Variants in KCNC2 observed in about 807,000 individuals in gnomAD.
KCNC2 encodes potassium voltage-gated channel subfamily C member 2.
In KCNC2, 21 loss-of-function variants were observed where a neutral mutation model predicts 44.5. The observed-to-expected ratio is 0.47, with a 90% CI of 0.33 to 0.68. The LOEUF (loss-of-function observed/expected upper bound fraction) is 0.68, where lower values mean the gene tolerates loss of function less well. Among genes scored for constraint, KCNC2 ranks in the 30% least tolerant of loss-of-function variants. The probability of loss-of-function intolerance (pLI) is 0.01; values close to 1 mark genes in which losing one functional copy is unlikely to be tolerated. For synonymous variants in KCNC2, 391 were observed against 339.1 expected (o/e 1.15, Z -1.68); for missense variants, 589 against 826.2 (o/e 0.71, Z 3.52).
chr12:75,207,355 C>A lies in KCNC2; in HGVS notation c.629G>T (p.Arg210Met), dbSNP rs1243898977. Residue 210 changes from arginine to methionine, a missense_variant, in exon 2 of 5, where the codon AGG becomes ATG. By Grantham distance (91) the Arg-to-Met change is moderately conservative (BLOSUM62 -1). Coordinates refer to ENST00000549446, the MANE Select transcript of KCNC2 (RefSeq NM_139137.4). This position sits in a 1 kb window ranked among gnomAD's most constrained non-coding sequence, Gnocchi z 4.1. The stretch of plus-strand genomic sequence containing the variant: ...GAGGGCCCACATGCGGGGCTGCAGC[C>A]TCCTCCAGCGGCCAGATTTGCCGTC... Reference protein sequence around the residue: ...GPDGKSGRWRRLQPRMWALFE... With the variant: ...GPDGKSGRWRMLQPRMWALFE... 6.3e-7 allele frequency: 1 copy of A among 1,577,434 alleles called. No homozygotes were observed. Among genetic ancestry groups the A allele is most frequent in the South Asian group, 1.2e-5 (1 of 86,472 alleles).
intron 2 of KCNC2, among the ~76,000 whole-genome samples, chr12:75,063,856 T>C (rs974063767): frequency 4.6e-5 from 7 of 152,130 alleles, no homozygotes; most frequent in Non-Finnish European, 7.4e-5. Flanking sequence ...AAAAATAAGA[T>C]GCAAAGACAA....
At chr12:75,142,404 C>A (rs1194939533) in intron 2 of KCNC2, among the ~76,000 whole-genome samples, 1 of 152,174 alleles carries the variant, frequency 6.6e-6, no homozygotes, top group African/African-American at 2.4e-5. Flanking sequence ...ACAATAGAAT[C>A]TGTGTGCTAA....
At chr12:75,152,826 T>C (rs1051279169) in intron 2 of KCNC2, among the ~76,000 whole-genome samples, 1 of 151,974 alleles carries the variant, frequency 6.6e-6, no homozygotes, top group African/African-American at 2.4e-5. Context: ...GACTCAATAA[T>C]TTGGAAGCCT....
Position 75,042,604 on chromosome 12 carries a change from T to G in KCNC2, c.*501A>C. ...ATGCAAGTACACATATCCTGAGCTA[T>G]CCACAGTCCCCGAACTCTGCAACAT... On this transcript the variant is annotated 3_prime_UTR_variant, in exon 5 of 5. Transcript: ENST00000549446. 7.5e-7 allele frequency: 1 copy of G among 1,324,822 alleles called. No individual in the cohort carries two copies. Among genetic ancestry groups the G allele is most frequent in the Non-Finnish European group, 9.6e-7 (1 of 1,037,962 alleles). 82.1% of individuals were successfully genotyped at this position (1,324,822 alleles called of 1,614,324 possible). A position where few individuals can be genotyped will look rare whatever the true frequency, so the allele number is the denominator to read the frequency against.
intron 2 of KCNC2, among the ~76,000 whole-genome samples, chr12:75,146,103 C>T (rs918109185): frequency 2.0e-5 from 3 of 151,832 alleles, no homozygotes; most frequent in Non-Finnish European, 2.9e-5. Context: ...TACAGGTGCC[C>T]ACCACCACGC....
intron 2 of KCNC2, among the ~76,000 whole-genome samples, chr12:75,072,743 T>C (rs182405859): frequency 2.6e-5 from 4 of 152,290 alleles, no homozygotes; most frequent in African/African-American, 9.6e-5. Context: ...TAACTTGCAT[T>C]TTTCTTTCTC....
chr12:75,060,316 G>T (rs1383552676), intron 2 of KCNC2, among the ~76,000 whole-genome samples: 2 of 152,002 alleles, frequency 1.3e-5, no homozygotes, highest in Non-Finnish European at 2.9e-5. Flanking sequence ...AGGGCCAGCA[G>T]CCTAGCTTTT....
intron 2 of KCNC2, among the ~76,000 whole-genome samples, chr12:75,094,001 C>T (rs1885711254): frequency 6.6e-6 from 1 of 151,664 alleles, no homozygotes; most frequent in Non-Finnish European, 1.5e-5. Flanking sequence ...CAGTACTTTA[C>T]TAATCCCTTT....
intron 2 of KCNC2, among the ~76,000 whole-genome samples, chr12:75,066,690 G>A (rs1436965479): frequency 6.6e-6 from 1 of 152,066 alleles, no homozygotes; most frequent in Non-Finnish European, 1.5e-5. Context: ...TTTTAGCCTG[G>A]AATTTGTAAA....
chr12:75,129,267 G>A (rs1479985688), intron 2 of KCNC2, among the ~76,000 whole-genome samples: 3 of 152,106 alleles, frequency 2.0e-5, no homozygotes, highest in African/African-American at 7.2e-5. Flanking sequence ...GTGCCATGAC[G>A]CTAACAGGCT....
intron 2 of KCNC2, among the ~76,000 whole-genome samples, chr12:75,076,969 T>C (rs189540928): frequency 2.0e-5 from 3 of 152,064 alleles, no homozygotes; most frequent in African/African-American, 7.3e-5. Flanking sequence ...TAGTAGTAGA[T>C]TATTTGTTGT....
intron 2 of KCNC2, among the ~76,000 whole-genome samples, chr12:75,058,881 A>G (rs921015791): frequency 6.6e-6 from 1 of 152,068 alleles, no homozygotes; most frequent in East Asian, 1.9e-4. Flanking sequence ...TTACATATTA[A>G]GTTAGAGCTG....
rs1890720951 is a variant in KCNC2, at chr12:75,155,851, G to T, written c.687+51446C>A. On this transcript the variant is annotated intron_variant, in intron 2 of 4. Coordinates refer to ENST00000549446, the MANE Select transcript of KCNC2 (RefSeq NM_139137.4). ...GTTTATCAGTTTGTCTCACAATAAG[G>T]CTTCAAAATGGGTATTATTTACAGG... 2.0e-5 allele frequency among the ~76,000 whole-genome samples: 3 copies of T among 151,684 alleles called. No individual in the cohort carries two copies. The South Asian group carries it at 6.2e-4, about 31-fold the overall frequency.
chr12:75,193,824 C>T (rs1394202653), intron 2 of KCNC2, among the ~76,000 whole-genome samples: 1 of 152,116 alleles, frequency 6.6e-6, no homozygotes, highest in Non-Finnish European at 1.5e-5. Flanking sequence ...ACCCACAACA[C>T]ACTATATTCA....
intron 2 of KCNC2, among the ~76,000 whole-genome samples, chr12:75,079,423 A>C (rs1169682389): frequency 1.3e-5 from 2 of 152,150 alleles, no homozygotes; most frequent in African/African-American, 4.8e-5. Flanking sequence ...AGATCTTAAG[A>C]CATTAAGAAT....
chr12:75,076,214 A>G (rs567361872), intron 2 of KCNC2, among the ~76,000 whole-genome samples: 1 of 152,288 alleles, frequency 6.6e-6, no homozygotes, highest in South Asian at 2.1e-4. Flanking sequence ...TGTATAACTT[A>G]TGCCAGAATT....
intron 2 of KCNC2, among the ~76,000 whole-genome samples, chr12:75,176,720 A>G (rs1281757244): frequency 3.3e-5 from 5 of 151,984 alleles, no homozygotes; most frequent in Admixed American, 2.6e-4. Flanking sequence ...TTCATTTCTA[A>G]TGATATTGTA....
chr12:75,203,360 G>GATGTGC (rs2031445698), intron 2 of KCNC2, among the ~76,000 whole-genome samples: 2 of 151,742 alleles, frequency 1.3e-5, no homozygotes, highest in Non-Finnish European at 3.0e-5. Context: ...CTTCTACGGA[G>GATGTGC]TACGTTTTGG....
chr12:75,118,743 G>A (rs141191884), intron 2 of KCNC2, among the ~76,000 whole-genome samples: 112 of 152,330 alleles, frequency 7.4e-4, no homozygotes, highest in Non-Finnish European at 9.9e-4. Context: ...TATGGAGTAA[G>A]TGAGGTAACA....
Sources: gnomAD v4.1 joint callset for allele counts (sites outside exome capture counted in the v4.1 genomes callset) on GRCh38, gnomAD v4.1.1 for gene constraint, Gnocchi (gnomAD v3.1) non-coding constraint, MANE v1.5 for transcripts, NCBI Gene and HGNC (gene_info 2026-07-23, HGNC 2026-07-21) for gene names.